Variants in PCDH11X observed in about 807,000 individuals in gnomAD.
PCDH11X encodes protocadherin-11 X-linked.
Under a neutral mutation model 53.3 loss-of-function variants are expected in PCDH11X, and 18 were observed. The observed-to-expected ratio is 0.34, with a 90% CI of 0.23 to 0.50. The LOEUF is 0.50. Ranked by LOEUF, PCDH11X falls within the 20% of genes least tolerant of loss-of-function variation. PCDH11X has a pLI of 0.98. For synonymous variants in PCDH11X, 279 were observed against 393.3 expected, an observed-to-expected ratio of 0.71 and a Z score of 3.44; for missense variants, 570 against 1,032.4, an observed-to-expected ratio of 0.55 and a Z score of 6.14.
chrX:92,120,318 C>A (rs2064733834), intron 6 of PCDH11X, among the ~76,000 whole-genome samples: 1 of 110,607 alleles, frequency 9.0e-6, no homozygotes, highest in East Asian at 2.8e-4. Flanking sequence ...TACAACCACG[C>A]CCGGCTAATT....
At chrX:92,337,371 A>G (rs1475717564) in intron 8 of PCDH11X, among the ~76,000 whole-genome samples, 1 of 109,336 alleles carries the variant, frequency 9.1e-6, no homozygotes, top group African/African-American at 3.3e-5. Flanking sequence ...GTAAGTTAAT[A>G]GACCTCTGGT....
At chrX:92,014,695 C>G (rs2062758762) in intron 6 of PCDH11X, among the ~76,000 whole-genome samples, 1 of 112,055 alleles carries the variant, frequency 8.9e-6, no homozygotes, top group Non-Finnish European at 1.9e-5. Context: ...CCATGGAATA[C>G]TATGCAGCCA....
At chrX:92,421,087 A>T (rs1166143541) in intron 9 of PCDH11X, among the ~76,000 whole-genome samples, 1 of 111,282 alleles carries the variant, frequency 9.0e-6, no homozygotes, top group Non-Finnish European at 1.9e-5. Flanking sequence ...TCTCAATCAC[A>T]TGATCATATT....
chrX:92,341,671 A>G (rs1215076708), intron 8 of PCDH11X, among the ~76,000 whole-genome samples: 1 of 111,198 alleles, frequency 9.0e-6, no homozygotes, highest in East Asian at 2.8e-4. Flanking sequence ...TATTGCAAGG[A>G]CAACACCAAT....
intron 10 of PCDH11X, among the ~76,000 whole-genome samples, chrX:92,603,597 C>A: frequency 9.9e-6 from 1 of 101,187 alleles, no homozygotes; most frequent in Admixed American, 1.1e-4. Flanking sequence ...TACCAGAAGG[C>A]AAGAAGGCAG....
At chrX:92,340,996 C>A (rs1307240329) in intron 8 of PCDH11X, among the ~76,000 whole-genome samples, 1 of 111,768 alleles carries the variant, frequency 8.9e-6, no homozygotes, top group East Asian at 2.8e-4. Flanking sequence ...CTGTTAGGAG[C>A]AGGCACAGCA....
At chrX:92,344,511 A>G (rs1481779564) in intron 8 of PCDH11X, among the ~76,000 whole-genome samples, 2 of 104,097 alleles carry the variant, frequency 1.9e-5, no homozygotes, top group Admixed American at 1.1e-4. Context: ...TTTTGTTTAA[A>G]CAACATTATA....
chrX:92,278,475 G>A (rs974860925), intron 8 of PCDH11X, among the ~76,000 whole-genome samples: 39 of 111,225 alleles, frequency 3.5e-4, no homozygotes, highest in Admixed American at 1.0e-3. Flanking sequence ...AGTGAAGGGA[G>A]ATAGGGATGG....
chrX:92,014,965 A>G (rs1384416575), intron 6 of PCDH11X, among the ~76,000 whole-genome samples: 3 of 111,083 alleles, frequency 2.7e-5, no homozygotes, highest in Non-Finnish European at 5.7e-5. Flanking sequence ...CAGCACACCA[A>G]CATGGCACAT....
At chrX:91,990,520 G>A (rs1385956566) in intron 6 of PCDH11X, among the ~76,000 whole-genome samples, 1 of 111,408 alleles carries the variant, frequency 9.0e-6, no homozygotes, top group Non-Finnish European at 1.9e-5. Flanking sequence ...GGTATGATGA[G>A]TGATTTTCAA....
At chrX:92,029,375 A>G (rs1343231325) in intron 6 of PCDH11X, among the ~76,000 whole-genome samples, 1 of 111,961 alleles carries the variant, frequency 8.9e-6, no homozygotes, top group Admixed American at 9.6e-5. Context: ...AGTTTATTGG[A>G]TTGCCACTGA....
intron 6 of PCDH11X, among the ~76,000 whole-genome samples, chrX:91,931,167 G>A (rs767879730): frequency 2.3e-4 from 25 of 108,281 alleles, no homozygotes; most frequent in African/African-American, 8.0e-4. Flanking sequence ...TGTCGTGTGC[G>A]TGTGTGTGTA....
chrX:92,520,750 G>A (rs1312214156), intron 10 of PCDH11X, among the ~76,000 whole-genome samples: 3 of 111,081 alleles, frequency 2.7e-5, no homozygotes, highest in East Asian at 5.7e-4. Context: ...AAAAATTGGA[G>A]TCAGTCCTCT....
At chrX:92,290,707 G>T (rs2068473793) in intron 8 of PCDH11X, among the ~76,000 whole-genome samples, 1 of 106,319 alleles carries the variant, frequency 9.4e-6, no homozygotes, top group Admixed American at 1.0e-4. Context: ...TGAAGTTATT[G>T]GGCCCTTTTC....
chrX:91,847,782 C>A (rs1294785218), intron 5 of PCDH11X, among the ~76,000 whole-genome samples: 1 of 111,520 alleles, frequency 9.0e-6, no homozygotes, highest in Non-Finnish European at 1.9e-5. Flanking sequence ...TGGCATTGTT[C>A]ATCTAATGTA....
At chrX:92,403,052 G>C (rs1233988740) in intron 9 of PCDH11X, among the ~76,000 whole-genome samples, 2 of 106,919 alleles carry the variant, frequency 1.9e-5, no homozygotes, top group East Asian at 5.9e-4. Context: ...TTAAATTATG[G>C]AAATTTTACT....
intron 6 of PCDH11X, among the ~76,000 whole-genome samples, chrX:91,996,121 A>G (rs1355879827): frequency 1.5e-3 from 142 of 93,263 alleles, no homozygotes; most frequent in African/African-American, 5.3e-3. Context: ...GATTACAGGC[A>G]TGAGCCACCA....
Position 91,821,007 on chromosome X carries a change from G to A in PCDH11X, c.-45+9712G>A, listed in dbSNP as rs1410105412. On this transcript the variant is annotated intron_variant, in intron 4 of 10. Transcript: ENST00000682573. ...TAGATATGCGGCGTTATTTCTGAGGGCTCTGTTCTGTTCCATTGATCTATA... is the reference window on the plus strand; with the variant it reads ...TAGATATGCGGCGTTATTTCTGAGGACTCTGTTCTGTTCCATTGATCTATA... 3.1e-3 allele frequency among the ~76,000 whole-genome samples: 333 copies of A among 107,627 alleles called. 2 individuals are homozygous for A. The highest frequency in any genetic ancestry group is 0.012 in the African/African-American group (323 of 27,741). The allele number at this position is 107,627 out of a possible 115,157, so 93.5% of individuals were successfully genotyped here.
chrX:92,555,437 C>T (rs769771405), intron 10 of PCDH11X, among the ~76,000 whole-genome samples: 1 of 111,711 alleles, frequency 9.0e-6, no homozygotes, highest in East Asian at 2.8e-4. Context: ...GAAATTTTGA[C>T]AGAAAAATGT....
Sources: gnomAD v4.1 joint callset for allele counts (sites outside exome capture counted in the v4.1 genomes callset) on GRCh38, gnomAD v4.1.1 for gene constraint, MANE v1.5 for transcripts, NCBI Gene and HGNC (gene_info 2026-07-23, HGNC 2026-07-21) for gene names.